Variants in ICE2 observed in about 807,000 individuals in gnomAD.
ICE2 encodes the protein little elongation complex subunit 2.
In ICE2, 87 loss-of-function variants were observed where a neutral mutation model predicts 105.4. The observed-to-expected ratio is 0.83, with a 90% CI of 0.69 to 0.99. The LOEUF is 0.99. ICE2 is among the 50% of genes least tolerant of loss of function. ICE2 has a pLI of 0.00. For missense variants in ICE2, 1,323 were observed against 1,146.7 expected (o/e 1.15, Z -2.22); for synonymous variants, 399 against 392.0 (o/e 1.02, Z -0.21).
chr15:60,429,428 G>A (rs1317128892), intron 14 of ICE2, among the ~76,000 whole-genome samples: 1 of 152,094 alleles, frequency 6.6e-6, no homozygotes, highest in East Asian at 1.9e-4. Context: ...CCTTAATCAC[G>A]ATCCTCTACT....
At chr15:60,452,925 C>T (rs903306420) in intron 9 of ICE2, 6 of 985,288 alleles carry the variant, frequency 6.1e-6, no homozygotes, top group African/African-American at 1.7e-5. Context: ...TGTTCCTTTT[C>T]ACACTTAAAA....
chr15:60,448,265 G>T, intron 10 of ICE2, 120 bp from the exon 11 acceptor site: 1 of 646,482 alleles, frequency 1.5e-6, no homozygotes, highest in Non-Finnish European at 2.6e-6. Context: ...CTACTTCTCT[G>T]CCTAAGGGAC....
intron 6 of ICE2, among the ~76,000 whole-genome samples, chr15:60,455,806 C>T (rs1355451103): frequency 1.3e-5 from 2 of 151,960 alleles, no homozygotes; most frequent in Admixed American, 6.6e-5. Context: ...TTAGTAGGAA[C>T]GGGGTTTCGT....
chr15:60,437,574 C>T lies in ICE2; in HGVS notation c.2426-1347G>A, dbSNP rs1251082042. On this transcript the variant is annotated intron_variant, in intron 12 of 15. Transcript: ENST00000261520. ...TCTCGAACTCCTGACGTCAGGTGAT[C>T]CACCTGCCTCAGCCTCCCAAAGTGC... Among the ~76,000 whole-genome samples the T allele has an allele frequency of 2.0e-5, 3 of 152,002 alleles. No individual in the cohort carries two copies. In the East Asian group the frequency reaches 5.8e-4, roughly 30 times the overall value.
chr15:60,464,231 T>C (rs769362480), intron 5 of ICE2, among the ~76,000 whole-genome samples: 4 of 152,224 alleles, frequency 2.6e-5, no homozygotes, highest in Non-Finnish European at 5.9e-5. Flanking sequence ...CCAAGTAATG[T>C]ACTTTGTTAA....
chr15:60,445,728 A>G, intron 11 of ICE2: 3 of 985,308 alleles, frequency 3.0e-6, no homozygotes, highest in African/African-American at 1.7e-5. Flanking sequence ...CTGGTATCCA[A>G]AATTTCCCTA....
intron 15 of ICE2, 44 bp downstream of exon 15, chr15:60,428,385 T>TA: frequency 6.3e-7 from 1 of 1,579,050 alleles, no homozygotes; most frequent in Non-Finnish European, 8.6e-7. Flanking sequence ...AATAGACGAA[T>TA]AATAAACAAC....
At chr15:60,444,221 T>C (rs1407821521) in intron 11 of ICE2, among the ~76,000 whole-genome samples, 1 of 152,148 alleles carries the variant, frequency 6.6e-6, no homozygotes, top group Admixed American at 6.5e-5. Context: ...TAAGAGTTAA[T>C]TCCATATATT....
intron 6 of ICE2, 36 bp from the exon 7 acceptor site, chr15:60,455,478 T>C (rs1272483156): frequency 2.2e-6 from 3 of 1,363,452 alleles, no homozygotes; most frequent in East Asian, 4.6e-5. Context: ...ATTGCAAAAA[T>C]CGCAATGTAT....
intron 12 of ICE2, chr15:60,442,122 C>G (rs1157017687): frequency 4.3e-6 from 1 of 230,808 alleles, no homozygotes; most frequent in Non-Finnish European, 8.3e-6. Flanking sequence ...AATGAGACCC[C>G]ATCTCAAGAA....
chr15:60,456,586 C>A (rs10162692), intron 6 of ICE2, 71 bp downstream of exon 6: 2 of 249,794 alleles, frequency 8.0e-6, no homozygotes, highest in Non-Finnish European at 1.6e-5. Context: ...TATATATATA[C>A]ACACACACAC....
rs138026719 is a variant in ICE2, at chr15:60,430,997, G to C, written c.2561+937C>G. Among the ~76,000 whole-genome samples the C allele has an allele frequency of 4.5e-3, 689 of 152,084 alleles. 2 individuals are homozygous for C. The highest frequency in any genetic ancestry group is 7.7e-3 in the Non-Finnish European group (523 of 67,978). On this transcript the variant is annotated intron_variant, in intron 14 of 15. Coordinates refer to ENST00000261520, the MANE Select transcript of ICE2 (RefSeq NM_024611.6). ...AGCGATTCTGCTGCCTCAGCCTCCT[G>C]AGTAGGTGGGATTACAGGTGCACGC...
chr15:60,468,051 C>T lies in ICE2; in HGVS notation c.408+10G>A. ...TATTTTTTCCTGAAACTGAAGAACA[C>T]AATACATACCAAGTACTGCAAGTAG... On this transcript the variant is annotated intron_variant, in intron 4 of 15. Transcript: ENST00000261520. The T allele has an allele frequency of 6.3e-7, 1 of 1,592,150 alleles. No individual in the cohort carries two copies. Among genetic ancestry groups the T allele is most frequent in the Non-Finnish European group, 8.6e-7 (1 of 1,167,846 alleles).
At chr15:60,472,794 C>T (rs2064641329) in intron 3 of ICE2, among the ~76,000 whole-genome samples, 1 of 151,976 alleles carries the variant, frequency 6.6e-6, no homozygotes, top group South Asian at 2.1e-4. Flanking sequence ...TTGAGTCTAG[C>T]CTGGGCAACA....
chr15:60,442,304 T>C, intron 12 of ICE2, 112 bp downstream of exon 12: 3 of 994,538 alleles, frequency 3.0e-6, no homozygotes, highest in Non-Finnish European at 4.5e-6. Flanking sequence ...AATAAATACA[T>C]AAATAAAAAC....
intron 8 of ICE2, chr15:60,454,802 A>G (rs1399208611): frequency 1.1e-5 from 5 of 437,284 alleles, no homozygotes; most frequent in Admixed American, 7.9e-5. Flanking sequence ...CCTGTCATCT[A>G]GGTTTTAAGC....
chr15:60,462,833 T>TAGCCACTTTGGAAA (rs1436943885), intron 5 of ICE2, among the ~76,000 whole-genome samples: 1 of 152,300 alleles, frequency 6.6e-6, no homozygotes, highest in African/African-American at 2.4e-5. Context: ...TAACCTGGTA[T>TAGCCACTTTGGAAA]AGCCACTTTG....
At chr15:60,442,279 T>G in intron 12 of ICE2, 137 bp downstream of exon 12, 1 of 744,766 alleles carries the variant, frequency 1.3e-6, no homozygotes, top group Non-Finnish European at 2.1e-6. Context: ...GGCAACAGAA[T>G]GAGACCCTAA....
In ICE2 at chr15:60,466,644, A is replaced by G. The variant is rs747597997; in HGVS notation, c.478T>C (p.Cys160Arg). Reference protein sequence around the residue: ...LKFLQNSAKKCAQDYNMLSDD... With the variant: ...LKFLQNSAKKRAQDYNMLSDD... ...GAAAGCATATTATAATCCTGCGCACATTTCTTTGCAGAATTCTGCAAAAAC... is the reference window on the plus strand; with the variant it reads ...GAAAGCATATTATAATCCTGCGCACGTTTCTTTGCAGAATTCTGCAAAAAC... The change falls in exon 5 of 16, where the codon TGT becomes CGT. Residue 160 changes from cysteine (C) to arginine (R), a missense_variant. Physicochemically the swap from Cys to Arg is radical, Grantham distance 180. Transcript: ENST00000261520. 3 of 1,611,880 alleles carry G rather than the reference A, an allele frequency of 1.9e-6. No individual in the cohort carries two copies. Among genetic ancestry groups the G allele is most frequent in the Non-Finnish European group, 2.5e-6 (3 of 1,179,754 alleles).
Sources: gnomAD v4.1 joint callset for allele counts (sites outside exome capture counted in the v4.1 genomes callset) on GRCh38, gnomAD v4.1.1 for gene constraint, MANE v1.5 for transcripts, NCBI Gene and HGNC (gene_info 2026-07-23, HGNC 2026-07-21) for gene names.